Variants in ZFP92 observed in about 807,000 individuals in gnomAD.
The protein encoded by ZFP92 is zinc finger protein 92 homolog.
Under a neutral mutation model 7.6 loss-of-function variants are expected in ZFP92, and 2 were observed. The observed-to-expected ratio is 0.26, with a 90% CI of 0.11 to 0.83. ZFP92 has a LOEUF of 0.83. Among genes scored for constraint, ZFP92 ranks in the 40% least tolerant of loss-of-function variants. The probability of loss-of-function intolerance (pLI) is 0.65; values close to 1 mark genes in which losing one functional copy is unlikely to be tolerated. For synonymous variants in ZFP92, 226 were observed against 183.6 expected (o/e 1.23, Z -1.87); for missense variants, 324 against 408.3 (o/e 0.79, Z 1.78).
chrX:153,425,448 C>T lies in ZFP92; in HGVS notation c.*3820C>T, dbSNP rs1459355502. 2.7e-5 allele frequency: 3 copies of T among 111,569 alleles called. No individual in the cohort carries two copies. Among genetic ancestry groups the T allele is most frequent in the African/African-American group, 9.8e-5 (3 of 30,667 alleles). 9.2% of individuals were successfully genotyped at this position (111,569 alleles called of 1,213,427 possible). On this transcript the variant is annotated 3_prime_UTR_variant, in exon 6 of 6. Coordinates refer to ENST00000338647, the MANE Select transcript of ZFP92 (RefSeq NM_001136273.2). The stretch of plus-strand genomic sequence containing the variant: ...ACCAGAGTATGGAGAGTCTGGGATG[C>T]CATATACAAAAGTTTGGGCTCTAAC...
In ZFP92 at chrX:153,418,443, G is replaced by A. The variant is rs782024254; in HGVS notation, c.33+88G>A. On this transcript the variant is annotated intron_variant, in intron 3 of 5. Transcript: ENST00000338647. Reference sequence around the variant, plus strand: ...GCCCAGGCCTCTCCAGCTGGGCTGAGCTTAGGCTGCCCTTAGCATCGTTTT... The same window carrying A: ...GCCCAGGCCTCTCCAGCTGGGCTGAACTTAGGCTGCCCTTAGCATCGTTTT... 103 of 1,086,732 alleles carry A rather than the reference G, an allele frequency of 9.5e-5. 1 individual carries two copies. In the Admixed American group the frequency reaches 1.1e-3, roughly 11 times the overall value. 89.6% of individuals were successfully genotyped at this position (1,086,732 alleles called of 1,213,427 possible). A position where few individuals can be genotyped will look rare whatever the true frequency, so the allele number is the denominator to read the frequency against.
At position 153,418,352 on chromosome X, in the gene ZFP92, C is replaced by G; in HGVS notation, c.30C>G (p.Pro10=). The G allele has an allele frequency of 3.4e-6, 4 of 1,167,533 alleles. No homozygotes were observed. Among genetic ancestry groups the G allele is most frequent in the Non-Finnish European group, 4.6e-6 (4 of 872,830 alleles). ...CAGCCATTCTCCTGACCACGAGACC[C>G]AAGGTGAGTGGTGGCCCCTCTCCCT... MAAILLTTR[P]KVPVSFEDVS... The change falls in exon 3 of 6, where the codon CCC becomes CCG. Residue 10 remains proline, a synonymous_variant. Transcript: ENST00000338647.
chrX:153,423,494 T>C lies in ZFP92; in HGVS notation c.*1866T>C, dbSNP rs781819541. 3.6e-5 allele frequency: 4 copies of C among 111,975 alleles called. No individual in the cohort carries two copies. Among genetic ancestry groups the C allele is most frequent in the Non-Finnish European group, 5.6e-5 (3 of 53,217 alleles). The allele number at this position is 111,975 out of a possible 1,213,427, so 9.2% of individuals were successfully genotyped here. A position where few individuals can be genotyped will look rare whatever the true frequency, so the allele number is the denominator to read the frequency against. On this transcript the variant is annotated 3_prime_UTR_variant, in exon 6 of 6. Transcript: ENST00000338647. ...TGTAAGTTGCACTTATACCGTAGCC[T>C]CCTTCAGTGTGTCCCTATTCCCCAT... is the stretch of plus-strand genomic sequence containing the variant.
At chrX:153,417,393 AAT>A (rs1556973971) in intron 2 of ZFP92, among the ~76,000 whole-genome samples, 2 of 111,655 alleles carry the variant, frequency 1.8e-5, no homozygotes, top group Non-Finnish European at 3.8e-5. Context: ...TCTCTGCCTG[AAT>A]GTCACCCCTT....
intron 2 of ZFP92, among the ~76,000 whole-genome samples, 161 bp from the exon 3 acceptor site, chrX:153,418,144 T>G (rs1556974148): frequency 8.9e-6 from 1 of 112,239 alleles, no homozygotes; most frequent in East Asian, 2.8e-4. Context: ...ACAGAAGGTC[T>G]GATGGTGAGG....
intron 2 of ZFP92, among the ~76,000 whole-genome samples, chrX:153,413,114 A>T (rs1183346102): frequency 9.0e-6 from 1 of 110,744 alleles, no homozygotes; most frequent in Admixed American, 9.5e-5. Context: ...GGGCTGAGAG[A>T]AGCAAGATCC....
At position 153,417,986 on chromosome X, in the gene ZFP92, G is replaced by A. The variant is rs183509563; in HGVS notation, c.-18-319G>A. Among the ~76,000 whole-genome samples the A allele has an allele frequency of 6.8e-3, 760 of 112,237 alleles. 10 individuals carry two copies. Among genetic ancestry groups the A allele is most frequent in the African/African-American group, 0.023 (721 of 30,929 alleles). On this transcript the variant is annotated intron_variant, in intron 2 of 5. Transcript: ENST00000338647. ...GGATTGCTGGAAACCACCAGAAGCC[G>A]AAAATGGCGAGAAAGGGGCTTCAGT... is the stretch of plus-strand genomic sequence containing the variant.
At position 153,411,711 on chromosome X, in the gene ZFP92, G is replaced by C. The variant is rs2088908592; in HGVS notation, c.-68+8G>C. ...GCTGCCCGCCGAGCCCAGGTAAGAGGGCCGAGCTGGGCCGCAGGGGTGCGG... is the reference window on the plus strand; with the variant it reads ...GCTGCCCGCCGAGCCCAGGTAAGAGCGCCGAGCTGGGCCGCAGGGGTGCGG... On this transcript the variant is annotated splice_region_variant and intron_variant, in intron 1 of 5. Coordinates refer to ENST00000338647, the MANE Select transcript of ZFP92 (RefSeq NM_001136273.2). Among the ~76,000 whole-genome samples the C allele has an allele frequency of 8.8e-6, 1 of 113,012 alleles. No homozygotes were observed. The highest frequency in any genetic ancestry group is 1.9e-5 in the Non-Finnish European group (1 of 53,192).
At chrX:153,412,512 G>A (rs1351986599) in intron 2 of ZFP92, among the ~76,000 whole-genome samples, 3 of 112,566 alleles carry the variant, frequency 2.7e-5, no homozygotes, top group African/African-American at 9.7e-5. Flanking sequence ...GGCAGTAAGA[G>A]CCGGGGAAGG....
chrX:153,426,113 C>T lies in ZFP92; in HGVS notation c.*4485C>T, dbSNP rs1349491258. Reference sequence around the variant, plus strand: ...ACACCCATGAAACCTCCCCCATAATCAAGACAGTGAATTGATCCGCCACTC... The same window carrying T: ...ACACCCATGAAACCTCCCCCATAATTAAGACAGTGAATTGATCCGCCACTC... On this transcript the variant is annotated 3_prime_UTR_variant, in exon 6 of 6. Coordinates refer to ENST00000338647, the MANE Select transcript of ZFP92 (RefSeq NM_001136273.2). 2 of 110,911 alleles carry T rather than the reference C, an allele frequency of 1.8e-5. No individual in the cohort carries two copies. The highest frequency in any genetic ancestry group is 2.8e-4 in the East Asian group (1 of 3,523). The allele number at this position is 110,911 out of a possible 1,213,427, so 9.1% of individuals were successfully genotyped here.
chrX:153,412,889 G>T (rs2088920252), intron 2 of ZFP92, among the ~76,000 whole-genome samples: 1 of 112,201 alleles, frequency 8.9e-6, no homozygotes, highest in Middle Eastern at 4.2e-3. Flanking sequence ...GCCCCCTTTT[G>T]GCTAGGTTAC....
rs947825971 is a variant in ZFP92, at chrX:153,422,004, C to T, written c.*376C>T. The T allele has an allele frequency of 1.4e-4, 18 of 124,518 alleles. No individual in the cohort carries two copies. Among genetic ancestry groups the T allele is most frequent in the Non-Finnish European group, 1.8e-4 (11 of 61,471 alleles). The allele number at this position is 124,518 out of a possible 1,213,427, so 10.3% of individuals were successfully genotyped here. ...TGCACAGGCGTGCGTGGAGGGGATG[C>T]GTGAACCATCCCTCGGATTTGCATC... On this transcript the variant is annotated 3_prime_UTR_variant, in exon 6 of 6. Coordinates refer to ENST00000338647, the MANE Select transcript of ZFP92 (RefSeq NM_001136273.2).
intron 2 of ZFP92, among the ~76,000 whole-genome samples, 170 bp from the exon 3 acceptor site, chrX:153,418,135 C>T (rs1172609829): frequency 8.9e-6 from 1 of 112,273 alleles, no homozygotes; most frequent in East Asian, 2.8e-4. Context: ...GGAAGCCATA[C>T]AGAAGGTCTG....
In ZFP92 at chrX:153,420,698, A is replaced by T; in HGVS notation, c.321A>T (p.Gln107His). ...STSTQKHSGR[Q>H]LPGADPQGGK... ...CAACGCAGAAGCATTCTGGACGACAACTCCCCGGGGCCGATCCACAAGGTG... is the reference window on the plus strand; with the variant it reads ...CAACGCAGAAGCATTCTGGACGACATCTCCCCGGGGCCGATCCACAAGGTG... The change falls in exon 6 of 6, where the codon CAA (glutamine) becomes CAT (histidine). Residue 107 changes from glutamine to histidine, a missense_variant. By Grantham distance (24) the Gln-to-His change is conservative. Coordinates refer to ENST00000338647, the MANE Select transcript of ZFP92 (RefSeq NM_001136273.2). The T allele has an allele frequency of 8.8e-7, 1 of 1,130,790 alleles. No homozygotes were observed. The highest frequency in any genetic ancestry group is 1.2e-6 in the Non-Finnish European group (1 of 855,122). The allele number at this position is 1,130,790 out of a possible 1,213,427, so 93.2% of individuals were successfully genotyped here. A position where few individuals can be genotyped will look rare whatever the true frequency, so the allele number is the denominator to read the frequency against.
chrX:153,425,664 A>G lies in ZFP92; in HGVS notation c.*4036A>G, dbSNP rs1307622671. 3 of 111,372 alleles carry G rather than the reference A, an allele frequency of 2.7e-5. No individual in the cohort carries two copies. The highest frequency in any genetic ancestry group is 5.7e-5 in the Non-Finnish European group (3 of 53,015). The allele number at this position is 111,372 out of a possible 1,213,427, so 9.2% of individuals were successfully genotyped here. A position where few individuals can be genotyped will look rare whatever the true frequency, so the allele number is the denominator to read the frequency against. On this transcript the variant is annotated 3_prime_UTR_variant, in exon 6 of 6. Coordinates refer to ENST00000338647, the MANE Select transcript of ZFP92 (RefSeq NM_001136273.2). ...TTGGGCTGGGGGCATGATGACGCTGAGGCAACATGAGAGGGGACGTCTTTG... is the reference window on the plus strand; with the variant it reads ...TTGGGCTGGGGGCATGATGACGCTGGGGCAACATGAGAGGGGACGTCTTTG...
chrX:153,414,339 T>G (rs1329449386), intron 2 of ZFP92, among the ~76,000 whole-genome samples: 1 of 111,260 alleles, frequency 9.0e-6, no homozygotes, highest in African/African-American at 3.3e-5. Context: ...TGAGGTGAGA[T>G]TCACACAACA....
At chrX:153,420,572 T>A (rs2088990124) in intron 5 of ZFP92, 71 bp from the exon 6 acceptor site, 24 of 1,095,347 alleles carry the variant, frequency 2.2e-5, no homozygotes, top group Non-Finnish European at 2.9e-5. Flanking sequence ...CCCCCTATGT[T>A]CTCACCTCCT....
In ZFP92 at chrX:153,425,624, G is replaced by A. The variant is rs2089037479; in HGVS notation, c.*3996G>A. On this transcript the variant is annotated 3_prime_UTR_variant, in exon 6 of 6. Coordinates refer to ENST00000338647, the MANE Select transcript of ZFP92 (RefSeq NM_001136273.2). ...TAACTGTAGTCGTCTCGATGGTTGT[G>A]ATGCCCATGAGGTGTTGGGCTGGGG... The A allele has an allele frequency of 8.9e-6, 1 of 111,824 alleles. No homozygotes were observed. The highest frequency in any genetic ancestry group is 9.4e-5 in the Admixed American group (1 of 10,632). The allele number at this position is 111,824 out of a possible 1,213,427, so 9.2% of individuals were successfully genotyped here.
Position 153,421,371 on chromosome X carries a change from C to G in ZFP92, c.994C>G (p.Arg332Gly). The change falls in exon 6 of 6, where the codon CGT (arginine) becomes GGT (glycine). Residue 332 changes from arginine (R) to glycine (G), a missense_variant. By Grantham distance (125) the Arg-to-Gly change is moderately radical. Coordinates refer to ENST00000338647, the MANE Select transcript of ZFP92 (RefSeq NM_001136273.2). ...CGAGTGCGGCAAGGCCTTCCGTGGC[C>G]GTTCGGGCCTCAGCCAGCACCGGCG... ...CRECGKAFRG[R>G]SGLSQHRRVH... 1 of 1,158,075 alleles carries G rather than the reference C, an allele frequency of 8.6e-7. No individual in the cohort carries two copies. Among genetic ancestry groups the G allele is most frequent in the Non-Finnish European group, 1.1e-6 (1 of 872,190 alleles).
Sources: allele counts gnomAD v4.1 joint callset (sites outside exome capture counted in the v4.1 genomes callset), GRCh38; gene constraint gnomAD v4.1.1; transcripts MANE v1.5; gene names NCBI Gene and HGNC (gene_info 2026-07-23, HGNC 2026-07-21).